Variants in WNT7B observed in about 807,000 individuals in gnomAD.
WNT7B encodes the protein Wnt family member 7B.
A neutral mutation model predicts 38.2 loss-of-function variants in WNT7B; 19 were observed. The observed-to-expected ratio is 0.50, with a 90% CI of 0.35 to 0.73. WNT7B has a LOEUF of 0.73. Ranked by LOEUF, WNT7B falls within the 30% of genes least tolerant of loss-of-function variation. WNT7B has a pLI of 0.01. For missense variants in WNT7B, 423 were observed against 507.9 expected (o/e 0.83, Z 1.61); for synonymous variants, 243 against 209.3 (o/e 1.16, Z -1.39).
At chr22:45,960,364 T>C (rs1186444233) in intron 1 of WNT7B, among the ~76,000 whole-genome samples, 1 of 152,184 alleles carries the variant, frequency 6.6e-6, no homozygotes, top group Non-Finnish European at 1.5e-5. Flanking sequence ...CCTCTCAGGC[T>C]GTCCTAAGGC....
chr22:45,942,143 A>G (rs1336212097), intron 2 of WNT7B, among the ~76,000 whole-genome samples: 1 of 152,074 alleles, frequency 6.6e-6, no homozygotes, highest in Non-Finnish European at 1.5e-5. Flanking sequence ...GATTGAGACC[A>G]AGGGAGGTGA....
Position 45,976,439 on chromosome 22 carries a change from G to A in WNT7B, c.71+245C>T, listed in dbSNP as rs1243007864. On this transcript the variant is annotated intron_variant, in intron 1 of 3. Transcript: ENST00000339464. The surrounding 1 kb of genome is among the most constrained non-coding windows in gnomAD (Gnocchi z 8.5). ...ACGCTCGCCGCTACCCGCGAGCCCGGCCGGACCGCCCGCGCGCCCCGCTCT... is the reference window on the plus strand; with the variant it reads ...ACGCTCGCCGCTACCCGCGAGCCCGACCGGACCGCCCGCGCGCCCCGCTCT... 6.6e-6 allele frequency among the ~76,000 whole-genome samples: 1 copy of A among 151,882 alleles called. No homozygotes were observed. The highest frequency in any genetic ancestry group is 1.5e-5 in the Non-Finnish European group (1 of 67,920).
chr22:45,928,756 T>G (rs1204765171), intron 3 of WNT7B, among the ~76,000 whole-genome samples: 1 of 152,176 alleles, frequency 6.6e-6, no homozygotes, highest in African/African-American at 2.4e-5. Flanking sequence ...CCCTGGTCCC[T>G]GAGTTGGTCA....
At chr22:45,932,420 C>A (rs1334451217) in intron 2 of WNT7B, among the ~76,000 whole-genome samples, 1 of 151,958 alleles carries the variant, frequency 6.6e-6, no homozygotes, top group East Asian at 1.9e-4. Flanking sequence ...TCCCAGACCC[C>A]CCCCGCCAGA....
rs1932301305 is a variant in WNT7B, at chr22:45,965,919, C to A, written c.71+10765G>T. On this transcript the variant is annotated intron_variant, in intron 1 of 3. Coordinates refer to ENST00000339464, the MANE Select transcript of WNT7B (RefSeq NM_058238.3). This position sits in a 1 kb window ranked among gnomAD's most constrained non-coding sequence, Gnocchi z 6.5. The stretch of plus-strand genomic sequence containing the variant: ...GAGCCCGCCCAAGGCTGGAAACCCG[C>A]CTTAGTAAAACACCGTGACAAGTGG... 6.6e-6 allele frequency among the ~76,000 whole-genome samples: 1 copy of A among 152,200 alleles called. No homozygotes were observed. The highest frequency in any genetic ancestry group is 2.1e-4 in the South Asian group (1 of 4,832).
At chr22:45,929,494 A>AT (rs1931224067) in intron 3 of WNT7B, among the ~76,000 whole-genome samples, 144 of 79,386 alleles carry the variant, frequency 1.8e-3, no homozygotes, top group African/African-American at 5.5e-3. Context: ...ACATCCACCC[A>AT]CCCACCCACC....
At chr22:45,961,825 C>T (rs1316895256) in intron 1 of WNT7B, among the ~76,000 whole-genome samples, 1 of 152,180 alleles carries the variant, frequency 6.6e-6, no homozygotes, top group East Asian at 1.9e-4. Flanking sequence ...GTTTGGGGTC[C>T]TGTGTTTGAG....
chr22:45,949,078 C>A (rs1015305196), intron 2 of WNT7B, among the ~76,000 whole-genome samples: 4 of 151,938 alleles, frequency 2.6e-5, no homozygotes, highest in Non-Finnish European at 5.9e-5. Flanking sequence ...TGATCCACCC[C>A]CCTCGTCCTC....
intron 2 of WNT7B, among the ~76,000 whole-genome samples, chr22:45,948,213 G>A (rs1931843110): frequency 6.6e-6 from 1 of 152,240 alleles, no homozygotes; most frequent in Non-Finnish European, 1.5e-5. Context: ...AGCGCTGAGG[G>A]GCCAGGCAGG....
At chr22:45,971,174 C>T (rs1211488315) in intron 1 of WNT7B, among the ~76,000 whole-genome samples, 5 of 141,750 alleles carry the variant, frequency 3.5e-5, no homozygotes, top group African/African-American at 1.1e-4. Context: ...GCGCAGGGAG[C>T]GGGAAGGCAG....
chr22:45,940,893 G>C (rs559460299), intron 2 of WNT7B, among the ~76,000 whole-genome samples: 1 of 152,240 alleles, frequency 6.6e-6, no homozygotes, highest in African/African-American at 2.4e-5. Context: ...CCTGAGGTGA[G>C]AATGAGCTGA....
At position 45,930,411 on chromosome 22, in the gene WNT7B, C is replaced by T. The variant is rs532353463; in HGVS notation, c.570+687G>A. Among the ~76,000 whole-genome samples the T allele has an allele frequency of 2.6e-5, 4 of 152,354 alleles. No individual in the cohort carries two copies. The South Asian group carries it at 6.2e-4, about 24-fold the overall frequency. ...GGCCTCGGAGCCGGAGCCGGCTGGG[C>T]GTTCCACTTGGCTGGCCACCCTATC... is the stretch of plus-strand genomic sequence containing the variant. On this transcript the variant is annotated intron_variant, in intron 3 of 3. Transcript: ENST00000339464.
Position 45,975,818 on chromosome 22 carries a change from C to A in WNT7B, c.71+866G>T, listed in dbSNP as rs1932538352. ...AGCAGCGGGCGGTGGGCGCCCCAGGCGAGGTGCACCGCACCCCCTCTCCGT... is the reference window on the plus strand; with the variant it reads ...AGCAGCGGGCGGTGGGCGCCCCAGGAGAGGTGCACCGCACCCCCTCTCCGT... On this transcript the variant is annotated intron_variant, in intron 1 of 3. Coordinates refer to ENST00000339464, the MANE Select transcript of WNT7B (RefSeq NM_058238.3). This position sits in a 1 kb window ranked among gnomAD's most constrained non-coding sequence, Gnocchi z 6.6. 2 of 303,202 alleles carry A rather than the reference C, an allele frequency of 6.6e-6. No individual in the cohort carries two copies. Among genetic ancestry groups the A allele is most frequent in the East Asian group, 5.4e-5 (1 of 18,402 alleles). 18.8% of individuals were successfully genotyped at this position (303,202 alleles called of 1,614,324 possible). A position where few individuals can be genotyped will look rare whatever the true frequency, so the allele number is the denominator to read the frequency against.
intron 2 of WNT7B, among the ~76,000 whole-genome samples, chr22:45,949,178 G>A (rs1331418946): frequency 1.3e-5 from 2 of 152,144 alleles, no homozygotes; most frequent in Non-Finnish European, 1.5e-5. Context: ...CTCCTTGTCT[G>A]TAAAATGGGC....
intron 2 of WNT7B, among the ~76,000 whole-genome samples, chr22:45,938,104 G>A (rs1162885898): frequency 3.9e-5 from 6 of 152,192 alleles, no homozygotes; most frequent in African/African-American, 1.4e-4. Context: ...TAAAGAAAAG[G>A]TGGTATAGAT....
At position 45,953,221 on chromosome 22, in the gene WNT7B, TGTCCTCGGCTTCCCCTCACAGTCACC is replaced by T. The variant is rs1931978209; in HGVS notation, c.72-3101_72-3076del. Among the ~76,000 whole-genome samples, 3 of 51,496 alleles carry T rather than the reference TGTCCTCGGCTTCCCCTCACAGTCACC, an allele frequency of 5.8e-5. No individual in the cohort carries two copies. In the South Asian group the frequency reaches 2.3e-3, roughly 39 times the overall value. The allele number at this position is 51,496 out of a possible 152,430, so 33.8% of individuals were successfully genotyped here. A position where few individuals can be genotyped will look rare whatever the true frequency, so the allele number is the denominator to read the frequency against. On this transcript the variant is annotated intron_variant, in intron 1 of 3. Coordinates refer to ENST00000339464, the MANE Select transcript of WNT7B (RefSeq NM_058238.3). The stretch of plus-strand genomic sequence containing the variant: ...GCCTGGCTTCCCCTCACAGTCACCG[TGTCCTCGGCTTCCCCTCACAGTCACC>T]GTGTCCTCGGCTTCCCCTCACAGTC...
intron 3 of WNT7B, chr22:45,927,434 G>T (rs1931121950): frequency 1.3e-6 from 2 of 1,545,576 alleles, no homozygotes; most frequent in Non-Finnish European, 1.7e-6. Flanking sequence ...CCACATGCCA[G>T]CTAGGGGAAC....
rs116857921 is a variant in WNT7B at position 45,955,681 on chromosome 22, C to T, written c.72-5535G>A. 9.1e-4 allele frequency among the ~76,000 whole-genome samples: 138 copies of T among 152,272 alleles called. 2 individuals are homozygous for T. In the East Asian group the frequency reaches 0.021, roughly 24 times the overall value. On this transcript the variant is annotated intron_variant, in intron 1 of 3. Transcript: ENST00000339464. ...CATCCCCCTGCACTGAATGGGGCCTCGGGACAGGCGAGATGCCAGGTGGGA... is the reference window on the plus strand; with the variant it reads ...CATCCCCCTGCACTGAATGGGGCCTTGGGACAGGCGAGATGCCAGGTGGGA...
chr22:45,949,752 C>G (rs1159986279), intron 2 of WNT7B, among the ~76,000 whole-genome samples, 168 bp downstream of exon 2: 2 of 152,244 alleles, frequency 1.3e-5, no homozygotes, highest in African/African-American at 4.8e-5. Context: ...AGCAGTGGTG[C>G]TGCCTAGGGC....
Sources: gnomAD v4.1 joint callset for allele counts (sites outside exome capture counted in the v4.1 genomes callset) on GRCh38, gnomAD v4.1.1 for gene constraint, Gnocchi (gnomAD v3.1) non-coding constraint, MANE v1.5 for transcripts, NCBI Gene and HGNC (gene_info 2026-07-23, HGNC 2026-07-21) for gene names.